Variants in TMEFF1 observed in about 807,000 individuals in gnomAD.
TMEFF1 encodes transmembrane protein with EGF like and two follistatin like domains 1.
Under a neutral mutation model 47.5 loss-of-function variants are expected in TMEFF1, and 20 were observed. The ratio of observed to expected loss-of-function variants is 0.42; its 90% CI spans 0.30 to 0.61. The LOEUF (loss-of-function observed/expected upper bound fraction) is 0.61, where lower values mean the gene tolerates loss of function less well. Ranked by LOEUF, TMEFF1 falls within the 20% of genes least tolerant of loss-of-function variation. The pLI is 0.19. For missense variants in TMEFF1, 411 were observed against 471.1 expected (o/e 0.87, Z 1.18); for synonymous variants, 162 against 166.3 (o/e 0.97, Z 0.20).
At chr9:100,476,459 A>G (rs899851918) in intron 1 of TMEFF1, among the ~76,000 whole-genome samples, 6 of 152,096 alleles carry the variant, frequency 3.9e-5, no homozygotes, top group Admixed American at 2.6e-4. Context: ...CAGTGGCGCA[A>G]TCCTGGCTGA....
At chr9:100,539,417 G>A (rs1333662918) in intron 5 of TMEFF1, among the ~76,000 whole-genome samples, 4 of 152,196 alleles carry the variant, frequency 2.6e-5, no homozygotes, top group Admixed American at 6.5e-5. Context: ...AAGATGGTAT[G>A]TCCGGAGTTT....
intron 7 of TMEFF1, among the ~76,000 whole-genome samples, chr9:100,555,864 T>A (rs143132677): frequency 6.6e-6 from 1 of 152,344 alleles, no homozygotes; most frequent in Admixed American, 6.5e-5. Context: ...CACATATTTA[T>A]GTTATTTAGT....
At chr9:100,514,247 A>G (rs2118378334) in intron 4 of TMEFF1, among the ~76,000 whole-genome samples, 1 of 152,050 alleles carries the variant, frequency 6.6e-6, no homozygotes. Context: ...GTTGGAAGGG[A>G]CTTTGAAGGT....
chr9:100,491,943 C>T (rs947139740), intron 1 of TMEFF1, among the ~76,000 whole-genome samples: 2 of 150,074 alleles, frequency 1.3e-5, no homozygotes, highest in Admixed American at 6.6e-5. Context: ...TGCAGTGGCA[C>T]GATCTTACTC....
chr9:100,568,710 G>C (rs912213369), intron 8 of TMEFF1, among the ~76,000 whole-genome samples: 1 of 151,834 alleles, frequency 6.6e-6, no homozygotes, highest in Non-Finnish European at 1.5e-5. Flanking sequence ...ATACCCTTTA[G>C]CTTTTACTCC....
At chr9:100,488,465 T>A (rs11788011) in intron 1 of TMEFF1, among the ~76,000 whole-genome samples, 9,170 of 152,272 alleles carry the variant, frequency 0.06, 446 homozygotes, top group African/African-American at 0.13. Context: ...TAAAGACAAT[T>A]AAAATGGCAA....
chr9:100,536,135 G>A (rs1319836856), intron 5 of TMEFF1, among the ~76,000 whole-genome samples: 2 of 152,190 alleles, frequency 1.3e-5, no homozygotes, highest in Non-Finnish European at 2.9e-5. Context: ...ATCAGGCTAT[G>A]TTTATTAGTG....
intron 1 of TMEFF1, among the ~76,000 whole-genome samples, chr9:100,486,963 C>T (rs1214730991): frequency 6.6e-6 from 1 of 152,074 alleles, no homozygotes; most frequent in South Asian, 2.1e-4. Context: ...TTTGCCTTGT[C>T]AGCTTTCATT....
intron 1 of TMEFF1, among the ~76,000 whole-genome samples, chr9:100,477,577 TAGC>T (rs1837258010): frequency 6.6e-6 from 1 of 151,784 alleles, no homozygotes; most frequent in South Asian, 2.1e-4. Context: ...AGCAGTTACA[TAGC>T]AGGTTTACCC....
intron 8 of TMEFF1, among the ~76,000 whole-genome samples, chr9:100,566,662 A>C (rs1203074226): frequency 6.6e-6 from 1 of 152,128 alleles, no homozygotes; most frequent in Non-Finnish European, 1.5e-5. Flanking sequence ...TACAGTCCAT[A>C]ATCAAAACAG....
chr9:100,492,575 A>T (rs1256843343), intron 1 of TMEFF1, among the ~76,000 whole-genome samples: 1 of 152,116 alleles, frequency 6.6e-6, no homozygotes, highest in Non-Finnish European at 1.5e-5. Context: ...GTTAATCTGG[A>T]GAGTTGATTA....
intron 5 of TMEFF1, among the ~76,000 whole-genome samples, chr9:100,536,392 A>G (rs1181674702): frequency 6.6e-6 from 1 of 152,184 alleles, no homozygotes; most frequent in East Asian, 1.9e-4. Context: ...GCCTTGAGGA[A>G]GAGGAACTGG....
intron 7 of TMEFF1, among the ~76,000 whole-genome samples, chr9:100,554,840 T>G (rs561526172): frequency 6.6e-6 from 1 of 152,170 alleles, no homozygotes; most frequent in African/African-American, 2.4e-5. Context: ...ATAGAAATAA[T>G]GAGCCCTAGG....
intron 2 of TMEFF1, among the ~76,000 whole-genome samples, chr9:100,506,528 G>T (rs950664752): frequency 6.6e-6 from 1 of 152,024 alleles, no homozygotes; most frequent in Non-Finnish European, 1.5e-5. Flanking sequence ...CACTTTGGGA[G>T]GCCGAGGCGG....
At chr9:100,520,567 C>G (rs1352812280) in intron 5 of TMEFF1, among the ~76,000 whole-genome samples, 1 of 152,038 alleles carries the variant, frequency 6.6e-6, no homozygotes, top group Non-Finnish European at 1.5e-5. Context: ...TTAAATTTAG[C>G]CATTTAAATA....
chr9:100,519,680 A>G (rs541655680), intron 5 of TMEFF1, among the ~76,000 whole-genome samples: 30 of 136,328 alleles, frequency 2.2e-4, no homozygotes, highest in Non-Finnish European at 4.1e-4. Context: ...TTTTTTTAAC[A>G]AAAACACTGC....
chr9:100,478,372 G>A (rs369604130), intron 1 of TMEFF1, among the ~76,000 whole-genome samples: 9 of 152,142 alleles, frequency 5.9e-5, no homozygotes, highest in African/African-American at 1.2e-4. Context: ...CCAGGCTGGC[G>A]TGTAGTGACG....
chr9:100,478,642 A>AT lies in TMEFF1; in HGVS notation c.196+4911dup, dbSNP rs956506477. On this transcript the variant is annotated intron_variant, in intron 1 of 9. Transcript: ENST00000374879. ...TTTTATATCTTTTTTATTTATGCTT[A>AT]TTTTTTTTTAAAGCTAACTTAACAG... Among the ~76,000 whole-genome samples the AT allele has an allele frequency of 5.5e-3, 842 of 151,712 alleles. 7 individuals carry two copies. Among genetic ancestry groups the AT allele is most frequent in the African/African-American group, 0.019 (790 of 41,386 alleles).
At chr9:100,546,564 T>G (rs112351977) in intron 5 of TMEFF1, among the ~76,000 whole-genome samples, 3,006 of 152,286 alleles carry the variant, frequency 0.02, 72 homozygotes, top group African/African-American at 0.06. Context: ...ATTTACCCAG[T>G]TTGGCAAATG....
Sources: gnomAD v4.1 joint callset for allele counts (sites outside exome capture counted in the v4.1 genomes callset) on GRCh38, gnomAD v4.1.1 for gene constraint, MANE v1.5 for transcripts, NCBI Gene and HGNC (gene_info 2026-07-23, HGNC 2026-07-21) for gene names.